The following FMN1 variants were observed in gnomAD, a reference collection of about 807,000 sequenced individuals.
FMN1 encodes the protein formin-1.
In FMN1, 110 loss-of-function variants were observed where a neutral mutation model predicts 132.4. That is an observed-to-expected ratio of 0.83 (90% CI 0.71 to 0.97). FMN1 has a LOEUF of 0.97. FMN1 is among the 50% of genes least tolerant of loss of function. FMN1 has a pLI of 0.00. For missense variants in FMN1, 1,792 were observed against 1,705.3 expected (o/e 1.05, Z -0.90); for synonymous variants, 722 against 651.7 (o/e 1.11, Z -1.64).
intron 6 of FMN1, chr15:33,012,579 C>T (rs2034791090): frequency 7.3e-7 from 1 of 1,366,418 alleles, no homozygotes; most frequent in South Asian, 1.2e-5. Flanking sequence ...CCTTTGACAA[C>T]CATGACTCTG....
At chr15:32,874,859 C>T (rs12591087) in intron 16 of FMN1, among the ~76,000 whole-genome samples, 82,682 of 151,974 alleles carry the variant, frequency 0.54, 22,829 homozygotes, top group African/African-American at 0.61. Flanking sequence ...CTTTGATACC[C>T]GGAGATTTGA....
At chr15:33,139,764 G>A (rs1170685009) in intron 4 of FMN1, among the ~76,000 whole-genome samples, 1 of 152,150 alleles carries the variant, frequency 6.6e-6, no homozygotes, top group Non-Finnish European at 1.5e-5. Context: ...CCAATAGACA[G>A]TTACAGTACT....
intron 20 of FMN1, 64 bp downstream of exon 20, chr15:32,776,771 C>T: frequency 1.1e-6 from 1 of 935,372 alleles, no homozygotes; most frequent in Non-Finnish European, 1.7e-6. Flanking sequence ...TGAGCTTTAG[C>T]CCTTCCTGGG....
At chr15:32,860,201 GGAA>G (rs2059235092) in intron 16 of FMN1, among the ~76,000 whole-genome samples, 2 of 114,658 alleles carry the variant, frequency 1.7e-5, no homozygotes, top group African/African-American at 6.6e-5. Context: ...AAGGAAGGAA[GGAA>G]AGAAAGGAGA....
rs150983354 is a variant in FMN1, at chr15:32,768,856, C to T, written c.*5454G>A. 1.8e-4 allele frequency: 28 copies of T among 152,274 alleles called. No individual in the cohort carries two copies. Among genetic ancestry groups the T allele is most frequent in the African/African-American group, 6.5e-4 (27 of 41,554 alleles). The allele number at this position is 152,274 out of a possible 1,614,324, so 9.4% of individuals were successfully genotyped here. A position where few individuals can be genotyped will look rare whatever the true frequency, so the allele number is the denominator to read the frequency against. Reference sequence around the variant, plus strand: ...AATTGATGGCTATATCTAACACCTTCATATAAAAATGGAATAAAAGTCAAT... The same window carrying T: ...AATTGATGGCTATATCTAACACCTTTATATAAAAATGGAATAAAAGTCAAT... On this transcript the variant is annotated 3_prime_UTR_variant, in exon 21 of 21. Transcript: ENST00000616417.
chr15:33,012,609 G>T, intron 6 of FMN1: 2 of 1,060,318 alleles, frequency 1.9e-6, no homozygotes, highest in Non-Finnish European at 2.9e-6. Context: ...CTGTCGTTCA[G>T]AAATACCACA....
At chr15:32,876,233 T>C (rs2059634483) in intron 16 of FMN1, among the ~76,000 whole-genome samples, 2 of 152,218 alleles carry the variant, frequency 1.3e-5, no homozygotes, top group South Asian at 2.1e-4. Flanking sequence ...TTATTGAAAT[T>C]ATGTAATTTA....
chr15:33,131,676 G>A (rs1963555850), intron 4 of FMN1, among the ~76,000 whole-genome samples: 1 of 152,092 alleles, frequency 6.6e-6, no homozygotes, highest in Non-Finnish European at 1.5e-5. Flanking sequence ...CCTCCTCAAA[G>A]CAACCAGCCC....
chr15:32,908,762 G>A (rs1190456520), intron 11 of FMN1, among the ~76,000 whole-genome samples, 184 bp from the exon 12 acceptor site: 1 of 152,046 alleles, frequency 6.6e-6, no homozygotes, highest in Non-Finnish European at 1.5e-5. Flanking sequence ...AACTTGGGGT[G>A]TGGGTGGGGG....
At position 32,773,082 on chromosome 15, in the gene FMN1, C is replaced by G. The variant is rs2037842; in HGVS notation, c.*1228G>C. On this transcript the variant is annotated 3_prime_UTR_variant, in exon 21 of 21. Transcript: ENST00000616417. ...TTCACCCCTCACAAGATTTCAGAGACGTGGCTTAAAGACAAAAGTGTCAGA... is the reference window on the plus strand; with the variant it reads ...TTCACCCCTCACAAGATTTCAGAGAGGTGGCTTAAAGACAAAAGTGTCAGA... The G allele has an allele frequency of 0.13, 20,360 of 152,186 alleles. 1,421 individuals carry two copies. The highest frequency in any genetic ancestry group is 0.2 in the Middle Eastern group (57 of 292). 9.4% of individuals were successfully genotyped at this position (152,186 alleles called of 1,614,324 possible). A position where few individuals can be genotyped will look rare whatever the true frequency, so the allele number is the denominator to read the frequency against.
intron 19 of FMN1, among the ~76,000 whole-genome samples, chr15:32,790,035 T>C (rs1275776518): frequency 1.9e-4 from 1 of 5,236 alleles, no homozygotes; most frequent in Non-Finnish European, 4.9e-3. Flanking sequence ...ATCCCGCTAG[T>C]TAAGTGACAC....
At chr15:32,976,353 G>T (rs1352087874) in intron 7 of FMN1, among the ~76,000 whole-genome samples, 2 of 152,312 alleles carry the variant, frequency 1.3e-5, no homozygotes, top group Admixed American at 6.5e-5. Flanking sequence ...AGTTCTTACA[G>T]AATGCTTAGG....
chr15:33,128,448 T>C (rs1963334335), intron 4 of FMN1, among the ~76,000 whole-genome samples: 2 of 152,220 alleles, frequency 1.3e-5, no homozygotes, highest in South Asian at 2.1e-4. Flanking sequence ...AGAATTTTTA[T>C]TCCTATGACA....
chr15:33,008,210 A>C (rs1268164333), intron 6 of FMN1, 135 bp from the exon 7 acceptor site: 3 of 703,994 alleles, frequency 4.3e-6, no homozygotes, highest in Non-Finnish European at 4.7e-6. Flanking sequence ...AGATGTTAAA[A>C]ATTACAGAAA....
chr15:32,867,273 G>A (rs1411880884), intron 16 of FMN1, among the ~76,000 whole-genome samples: 1 of 152,154 alleles, frequency 6.6e-6, no homozygotes, highest in East Asian at 1.9e-4. Context: ...ACTCTGAGAG[G>A]TTGTCTTCAA....
chr15:33,167,582 C>T (rs564260691), intron 3 of FMN1, among the ~76,000 whole-genome samples: 4 of 152,316 alleles, frequency 2.6e-5, no homozygotes, highest in African/African-American at 9.6e-5. Context: ...GGGGTGCTGA[C>T]TCCCTGCCTG....
At chr15:33,073,290 C>T (rs1354783368) in intron 5 of FMN1, among the ~76,000 whole-genome samples, 7 of 152,176 alleles carry the variant, frequency 4.6e-5, no homozygotes, top group Admixed American at 4.6e-4. Context: ...ATTTCAAGTT[C>T]TGGGCCTGAT....
intron 7 of FMN1, among the ~76,000 whole-genome samples, chr15:32,991,223 C>T (rs1054749465): frequency 2.0e-5 from 3 of 152,108 alleles, no homozygotes; most frequent in African/African-American, 7.2e-5. Flanking sequence ...CTCTTTCTTC[C>T]CAGAATCTCC....
At chr15:33,172,071 G>A (rs1210265878) in intron 3 of FMN1, among the ~76,000 whole-genome samples, 1 of 152,130 alleles carries the variant, frequency 6.6e-6, no homozygotes, top group Non-Finnish European at 1.5e-5. Context: ...AGCCGGGCGT[G>A]GTGGCGGGCG....
Sources: gnomAD v4.1 joint callset for allele counts (sites outside exome capture counted in the v4.1 genomes callset) on GRCh38, gnomAD v4.1.1 for gene constraint, MANE v1.5 for transcripts, NCBI Gene and HGNC (gene_info 2026-07-23, HGNC 2026-07-21) for gene names.